GALNT2: variants seen among roughly 807,000 people sequenced by gnomAD.
The protein encoded by GALNT2 is polypeptide N-acetylgalactosaminyltransferase 2, also known as UDP-GalNAc:polypeptide N-acetylgalactosaminyltransferase 2.
In GALNT2, 31 loss-of-function variants were observed where a neutral mutation model predicts 81.4. That is an observed-to-expected ratio of 0.38 (90% confidence interval 0.29 to 0.51). The LOEUF (loss-of-function observed/expected upper bound fraction) is 0.51. Among genes scored for constraint, GALNT2 ranks in the 20% least tolerant of loss-of-function variants. The pLI is 0.87. For synonymous variants in GALNT2, 303 were observed against 287.4 expected (o/e 1.05, Z -0.55); for missense variants, 629 against 765.7 (o/e 0.82, Z 2.11).
At chr1:230,062,658 C>G (rs2983377), upstream of GALNT2, among the ~76,000 whole-genome samples, 139,656 of 152,260 alleles carry the variant, frequency 0.92, 64,133 homozygotes, top group Admixed American at 0.95. Flanking sequence ...TTGTCCTCAA[C>G]GTTCATCCAT....
chr1:230,100,654 C>T (rs7537621), intron 1 of GALNT2, among the ~76,000 whole-genome samples: 65,057 of 151,984 alleles, frequency 0.43, 13,912 homozygotes, highest in South Asian at 0.53. Context: ...TCCTGTGAGG[C>T]GTATGTAGTG....
At chr1:230,244,296 G>T (rs989907907) in intron 7 of GALNT2, among the ~76,000 whole-genome samples, 14 of 151,974 alleles carry the variant, frequency 9.2e-5, no homozygotes, top group African/African-American at 3.1e-4. Context: ...TAATGCACTT[G>T]TTATCTCCGT....
chr1:230,090,096 T>C (rs1179624252), intron 1 of GALNT2, among the ~76,000 whole-genome samples: 1 of 152,248 alleles, frequency 6.6e-6, no homozygotes, highest in Non-Finnish European at 1.5e-5. Flanking sequence ...CTAATGGATA[T>C]GAAGTGGTAT....
chr1:230,224,937 G>T (rs769329574), intron 3 of GALNT2, among the ~76,000 whole-genome samples: 1 of 152,252 alleles, frequency 6.6e-6, no homozygotes, highest in African/African-American at 2.4e-5. Flanking sequence ...TATTTTAGAC[G>T]AATAATTTCG....
At chr1:230,223,858 G>T (rs1664627697) in intron 3 of GALNT2, among the ~76,000 whole-genome samples, 1 of 152,190 alleles carries the variant, frequency 6.6e-6, no homozygotes, top group Non-Finnish European at 1.5e-5. Context: ...ACCCTCCACA[G>T]AACTTAAGCT....
At chr1:230,221,301 G>A (rs1229355702) in intron 3 of GALNT2, among the ~76,000 whole-genome samples, 3 of 152,140 alleles carry the variant, frequency 2.0e-5, no homozygotes, top group Non-Finnish European at 2.9e-5. Flanking sequence ...TGGACTGCTA[G>A]ATTCTTTTCC....
At chr1:230,174,587 T>C (rs1662898196) in intron 1 of GALNT2, among the ~76,000 whole-genome samples, 1 of 152,102 alleles carries the variant, frequency 6.6e-6, no homozygotes. Flanking sequence ...TGGGGCCGTC[T>C]TTGATTCTTC....
chr1:230,155,148 C>T (rs756656948), intron 1 of GALNT2, among the ~76,000 whole-genome samples: 4 of 152,164 alleles, frequency 2.6e-5, no homozygotes, highest in Non-Finnish European at 2.9e-5. Context: ...GGAAGTATTT[C>T]CCAGGTCCTC....
chr1:230,181,558 CTTT>C (rs1245134286), intron 2 of GALNT2, among the ~76,000 whole-genome samples: 2 of 143,158 alleles, frequency 1.4e-5, no homozygotes, highest in African/African-American at 2.5e-5. Flanking sequence ...CTTTCGTTTC[CTTT>C]TTTTTTTTTT....
rs146093253 is a variant in GALNT2 at position 230,099,766 on chromosome 1, T to C, written c.126+32360T>C. On this transcript the variant is annotated intron_variant, in intron 1 of 15. Transcript: ENST00000366672. ...CCAGTGGCTCATCTGTCTCTGCAGATAGCTTGGCTGAACCCAAAAGGGCTC... is the reference window on the plus strand; with the variant it reads ...CCAGTGGCTCATCTGTCTCTGCAGACAGCTTGGCTGAACCCAAAAGGGCTC... Among the ~76,000 whole-genome samples the C allele has an allele frequency of 2.5e-4, 38 of 152,342 alleles. No homozygotes were observed. In the East Asian group the frequency reaches 7.1e-3, roughly 29 times the overall value.
intron 1 of GALNT2, among the ~76,000 whole-genome samples, chr1:230,079,882 C>T (rs1659675517): frequency 6.6e-6 from 1 of 152,168 alleles, no homozygotes; most frequent in African/African-American, 2.4e-5. Context: ...GCTCAGCCTC[C>T]ATCTGCACTT....
At chr1:230,186,159 A>G (rs1663329047) in intron 2 of GALNT2, among the ~76,000 whole-genome samples, 1 of 152,170 alleles carries the variant, frequency 6.6e-6, no homozygotes, top group Non-Finnish European at 1.5e-5. Flanking sequence ...CTTTGCTGGC[A>G]AGAGTGTTTG....
intron 1 of GALNT2, among the ~76,000 whole-genome samples, chr1:230,145,241 C>A (rs2102828954): frequency 6.6e-6 from 1 of 152,254 alleles, no homozygotes; most frequent in African/African-American, 2.4e-5. Context: ...AGGCAGGTTC[C>A]AGTGCAGACT....
At chr1:230,253,123 C>A (rs3761943) in intron 10 of GALNT2, among the ~76,000 whole-genome samples, 1 of 152,014 alleles carries the variant, frequency 6.6e-6, no homozygotes, top group African/African-American at 2.4e-5. Context: ...GTTGGGATTA[C>A]AGGCATGAGC....
rs1209615072 is a variant in GALNT2, at chr1:230,271,211, T to C, written c.1441-3234T>C. 1.3e-5 allele frequency among the ~76,000 whole-genome samples: 2 copies of C among 152,236 alleles called. No homozygotes were observed. The highest frequency in any genetic ancestry group is 2.4e-5 in the African/African-American group (1 of 41,450). On this transcript the variant is annotated intron_variant, in intron 14 of 15. Coordinates refer to ENST00000366672, the MANE Select transcript of GALNT2 (RefSeq NM_004481.5). The surrounding 1 kb of genome is among the most constrained non-coding windows in gnomAD (Gnocchi z 4.2). ...CTGTGAGTGCAGGGACGGAACAATG[T>C]GCTTCTTCCTGGCCCTCTCCATCCT...
At chr1:230,158,828 G>A (rs955005839) in intron 1 of GALNT2, among the ~76,000 whole-genome samples, 1 of 152,174 alleles carries the variant, frequency 6.6e-6, no homozygotes, top group African/African-American at 2.4e-5. Flanking sequence ...CAAGTGAGTT[G>A]GATGAATGCC....
intron 15 of GALNT2, 147 bp downstream of exon 15, chr1:230,274,711 A>G (rs957950093): frequency 2.1e-6 from 2 of 950,404 alleles, no homozygotes; most frequent in Non-Finnish European, 2.9e-6. Context: ...AATAATGTCT[A>G]GCTGCCCTAT....
chr1:230,155,075 C>T (rs1480290393), intron 1 of GALNT2, among the ~76,000 whole-genome samples: 1 of 152,136 alleles, frequency 6.6e-6, no homozygotes, highest in Non-Finnish European at 1.5e-5. Flanking sequence ...TCAGGGTCCT[C>T]CCAGATGAGG....
intron 1 of GALNT2, among the ~76,000 whole-genome samples, chr1:230,087,423 T>C (rs933342008): frequency 1.7e-4 from 26 of 152,186 alleles, no homozygotes; most frequent in Non-Finnish European, 2.9e-4. Flanking sequence ...ACTTCCCCCA[T>C]CTTAATTGGT....
Sources: gnomAD v4.1 joint callset for allele counts (sites outside exome capture counted in the v4.1 genomes callset) on GRCh38, gnomAD v4.1.1 for gene constraint, Gnocchi (gnomAD v3.1) non-coding constraint, MANE v1.5 for transcripts, NCBI Gene and HGNC (gene_info 2026-07-23, HGNC 2026-07-21) for gene names.